The following DDAH1 variants were observed in gnomAD, a reference collection of about 807,000 sequenced individuals.
The protein encoded by DDAH1 is dimethylarginine dimethylaminohydrolase 1, also known as N(G),N(G)-dimethylarginine dimethylaminohydrolase 1.
DDAH1 carries 19 observed loss-of-function variants against 28.8 expected under a neutral mutation model. The observed-to-expected ratio is 0.66, with a 90% confidence interval of 0.46 to 0.97. The LOEUF is 0.97. Among genes scored for constraint, DDAH1 ranks in the 50% least tolerant of loss-of-function variants. The pLI is 0.00. For synonymous variants in DDAH1, 153 were observed against 154.4 expected (o/e 0.99, Z 0.07); for missense variants, 326 against 375.9 (o/e 0.87, Z 1.10).
At chr1:85,420,851 T>C (rs1032039685) in intron 1 of DDAH1, among the ~76,000 whole-genome samples, 6 of 152,198 alleles carry the variant, frequency 3.9e-5, no homozygotes, top group African/African-American at 1.4e-4. Flanking sequence ...CATTCCCACA[T>C]TGCTATAAAG....
At chr1:85,360,832 ATGTT>A (rs1231383162) in intron 1 of DDAH1, among the ~76,000 whole-genome samples, 1 of 152,204 alleles carries the variant, frequency 6.6e-6, no homozygotes, top group East Asian at 1.9e-4. Context: ...AGAGGATAAA[ATGTT>A]TGTGCTTTTC....
intron 1 of DDAH1, among the ~76,000 whole-genome samples, chr1:85,444,053 T>C (rs1014637066): frequency 6.6e-5 from 10 of 152,356 alleles, no homozygotes; most frequent in African/African-American, 2.4e-4. Context: ...AACACTATGT[T>C]GAACAGGAGT....
intron 4 of DDAH1, among the ~76,000 whole-genome samples, chr1:85,340,663 G>C (rs1036735781): frequency 6.6e-6 from 1 of 152,032 alleles, no homozygotes; most frequent in South Asian, 2.1e-4. Flanking sequence ...GCATCAGCTA[G>C]TTTTATTACT....
At chr1:85,511,183 A>T (rs1196286283) in intron 1 of DDAH1, among the ~76,000 whole-genome samples, 3 of 152,262 alleles carry the variant, frequency 2.0e-5, no homozygotes, top group Non-Finnish European at 4.4e-5. Context: ...ATTAGACCTC[A>T]GGATTAAGAA....
rs1655318238 is a variant in DDAH1, at chr1:85,465,157, T to C, written c.-112A>G. On this transcript the variant is annotated 5_prime_UTR_variant, in exon 1 of 6. Coordinates refer to ENST00000284031, the MANE Select transcript of DDAH1 (RefSeq NM_012137.4). ...TCGGCTCCTCTTGGCAGCCGCTGAA[T>C]GTGGTGCAGAAGGAGCCCAGCTCGC... is the stretch of plus-strand genomic sequence containing the variant. The C allele has an allele frequency of 2.6e-6, 3 of 1,153,886 alleles. No homozygotes were observed. The highest frequency in any genetic ancestry group is 4.3e-5 in the East Asian group (1 of 23,374). 71.5% of individuals were successfully genotyped at this position (1,153,886 alleles called of 1,614,324 possible).
intron 2 of DDAH1, among the ~76,000 whole-genome samples, chr1:85,487,671 A>G (rs529685836): frequency 6.6e-6 from 1 of 152,200 alleles, no homozygotes; most frequent in Non-Finnish European, 1.5e-5. Flanking sequence ...GTATAAAAAG[A>G]TATACAGCAA....
intron 1 of DDAH1, among the ~76,000 whole-genome samples, chr1:85,454,442 G>C (rs1654795318): frequency 6.6e-6 from 1 of 152,192 alleles, no homozygotes; most frequent in Non-Finnish European, 1.5e-5. Context: ...GTAATGCTGA[G>C]ATTTTGGCCA....
At position 85,571,787 on chromosome 1, in the gene DDAH1, C is replaced by CTTTTT. The variant is rs58835610; in HGVS notation, c.-123+6192_-123+6196dup. On this transcript the variant is annotated intron_variant, in intron 1 of 6. Coordinates refer to the DDAH1 transcript ENST00000426972. ...CCTTTTAGAATGAACTGTTTATAAG[C>CTTTTT]TTTTTTTTTTTTTTTTTTTTTTTTT... 4.7e-3 allele frequency among the ~76,000 whole-genome samples: 399 copies of CTTTTT among 85,378 alleles called. 3 individuals carry two copies. The highest frequency in any genetic ancestry group is 0.011 in the Middle Eastern group (1 of 90). The allele number at this position is 85,378 out of a possible 152,430, so 56.0% of individuals were successfully genotyped here. A position where few individuals can be genotyped will look rare whatever the true frequency, so the allele number is the denominator to read the frequency against.
At chr1:85,570,519 A>G (rs1214866394) in intron 1 of DDAH1, among the ~76,000 whole-genome samples, 2 of 152,150 alleles carry the variant, frequency 1.3e-5, no homozygotes, top group Non-Finnish European at 1.5e-5. Flanking sequence ...ACTCCCAACC[A>G]TTTTTTAAAC....
intron 1 of DDAH1, among the ~76,000 whole-genome samples, chr1:85,426,929 A>AAAAAAAAAAAAAG (rs1653427232): frequency 1.3e-5 from 2 of 150,052 alleles, no homozygotes. Context: ...AACAAAAAAA[A>AAAAAAAAAAAAAG]AAAAAAAAAA....
intron 1 of DDAH1, among the ~76,000 whole-genome samples, chr1:85,400,710 G>T (rs577658284): frequency 6.6e-6 from 1 of 152,196 alleles, no homozygotes; most frequent in Non-Finnish European, 1.5e-5. Flanking sequence ...TGACCTGCCT[G>T]TATCTTTAGG....
chr1:85,333,322 G>A (rs373011952), intron 4 of DDAH1, among the ~76,000 whole-genome samples: 6 of 152,284 alleles, frequency 3.9e-5, no homozygotes. Context: ...CTATCTACAG[G>A]AAAATGTCTT....
Position 85,400,177 on chromosome 1 carries a change from C to CTTT in DDAH1, c.304-41333_304-41331dup, listed in dbSNP as rs61677601. Among the ~76,000 whole-genome samples the CTTT allele has an allele frequency of 2.7e-4, 15 of 54,938 alleles. 2 individuals are homozygous for CTTT. The highest frequency in any genetic ancestry group is 4.9e-4 in the Admixed American group (2 of 4,050). 36.0% of individuals were successfully genotyped at this position (54,938 alleles called of 152,430 possible). On this transcript the variant is annotated intron_variant, in intron 1 of 5. Coordinates refer to ENST00000284031, the MANE Select transcript of DDAH1 (RefSeq NM_012137.4). ...TGCAGGAATTCCTTTCTTTTCTTTT[C>CTTT]TTTTTTTTTTTTTTTTTTTTTTTTT...
rs867498809 is a variant in DDAH1, at chr1:85,323,523, A to C, written c.741+1217T>G. On this transcript the variant is annotated intron_variant, in intron 5 of 5. Transcript: ENST00000284031. ...CCCTTATTGGAACACAAACACAGAG[A>C]CTCCTGGAGCGACCAGTTGGCTGAT... 2.0e-5 allele frequency among the ~76,000 whole-genome samples: 3 copies of C among 152,072 alleles called. No individual in the cohort carries two copies. The Middle Eastern group carries it at 0.01, about 517-fold the overall frequency.
chr1:85,492,698 T>A (rs930614743), intron 2 of DDAH1, among the ~76,000 whole-genome samples: 1 of 152,180 alleles, frequency 6.6e-6, no homozygotes. Flanking sequence ...ACTTACACTG[T>A]CTATGTAGCA....
At chr1:85,465,335 A>C, upstream of DDAH1, 5 of 498,802 alleles carry the variant, frequency 1.0e-5, no homozygotes, top group Non-Finnish European at 1.3e-5. Context: ...GGGCCAGGAG[A>C]GGCGGCCGGG....
At chr1:85,497,898 C>T (rs1238631771) in intron 1 of DDAH1, among the ~76,000 whole-genome samples, 2 of 152,192 alleles carry the variant, frequency 1.3e-5, no homozygotes, top group African/African-American at 2.4e-5. Flanking sequence ...CAAGTAGAGT[C>T]ATCCCTTACT....
At chr1:85,366,000 TG>T (rs1340424419) in intron 1 of DDAH1, among the ~76,000 whole-genome samples, 2 of 152,096 alleles carry the variant, frequency 1.3e-5, no homozygotes, top group Non-Finnish European at 2.9e-5. Context: ...TCTGATCTTC[TG>T]TTTTGAAGAA....
chr1:85,427,297 G>A (rs1325343442), intron 1 of DDAH1, among the ~76,000 whole-genome samples: 1 of 148,382 alleles, frequency 6.7e-6, no homozygotes, highest in Non-Finnish European at 1.5e-5. Flanking sequence ...AAAAGTGGGA[G>A]ACAATGGAAA....
Sources: allele counts gnomAD v4.1 joint callset (sites outside exome capture counted in the v4.1 genomes callset), GRCh38; gene constraint gnomAD v4.1.1; transcripts MANE v1.5; gene names NCBI Gene and HGNC (gene_info 2026-07-23, HGNC 2026-07-21).